Variants in ANP32A observed in about 807,000 individuals in gnomAD.
ANP32A encodes acidic nuclear phosphoprotein 32 family member A.
In ANP32A, 1 loss-of-function variant was observed where a neutral mutation model predicts 33.9. The ratio of observed to expected loss-of-function variants is 0.03; its 90% confidence interval spans 0.01 to 0.14. The LOEUF is 0.14. ANP32A is among the 10% of genes least tolerant of loss of function. ANP32A has a pLI of 1.00. For missense variants in ANP32A, 155 were observed against 306.0 expected, an observed-to-expected ratio of 0.51 and a Z score of 3.68; for synonymous variants, 115 against 120.5, an observed-to-expected ratio of 0.95 and a Z score of 0.30.
At chr15:68,787,661 T>G (rs1893949329) in intron 2 of ANP32A, 109 bp downstream of exon 2, 1 of 1,593,912 alleles carries the variant, frequency 6.3e-7, no homozygotes, top group Non-Finnish European at 8.6e-7. Flanking sequence ...TCTGGCATGT[T>G]GGTGCAAGCA....
rs546380400 is a variant in ANP32A at position 68,800,874 on chromosome 15, A to G, written c.55-12955T>C. On this transcript the variant is annotated intron_variant, in intron 1 of 6. Transcript: ENST00000465139. Reference sequence around the variant, plus strand: ...GCAGAGACGTAAGGCCAAGTCAACAACTAGGAGGGCCTTCCAGACAGAAAG... The same window carrying G: ...GCAGAGACGTAAGGCCAAGTCAACAGCTAGGAGGGCCTTCCAGACAGAAAG... Among the ~76,000 whole-genome samples the G allele has an allele frequency of 2.0e-5, 3 of 152,260 alleles. No homozygotes were observed. The East Asian group carries it at 5.8e-4, about 29-fold the overall frequency.
At chr15:68,815,331 G>A (rs1370684385) in intron 1 of ANP32A, among the ~76,000 whole-genome samples, 6 of 152,150 alleles carry the variant, frequency 3.9e-5, no homozygotes, top group African/African-American at 7.2e-5. Context: ...ACTACATAGG[G>A]ACTTTTATAA....
intron 1 of ANP32A, among the ~76,000 whole-genome samples, chr15:68,795,218 TAGA>T (rs1190894598): frequency 6.6e-6 from 1 of 152,210 alleles, no homozygotes; most frequent in East Asian, 1.9e-4. Flanking sequence ...TCCACACCTC[TAGA>T]AGATCTTTTA....
chr15:68,805,612 C>A (rs1894208327), intron 1 of ANP32A, among the ~76,000 whole-genome samples: 1 of 152,126 alleles, frequency 6.6e-6, no homozygotes, highest in African/African-American at 2.4e-5. Context: ...ATGAATCATC[C>A]CATGAATTCA....
Position 68,786,824 on chromosome 15 carries a change from G to T in ANP32A, c.327+589C>A, listed in dbSNP as rs114863731. ...CAGAGGAGCCAGAAATGCTACCCAG[G>T]CCCCTGAGAGCCTGTTCACTATCGC... On this transcript the variant is annotated intron_variant, in intron 3 of 6. Coordinates refer to ENST00000465139, the MANE Select transcript of ANP32A (RefSeq NM_006305.4). Among the ~76,000 whole-genome samples, 87 of 152,234 alleles carry T rather than the reference G, an allele frequency of 5.7e-4. 1 individual carries two copies. Among genetic ancestry groups the T allele is most frequent in the African/African-American group, 2.0e-3 (81 of 41,532 alleles).
chr15:68,810,807 C>G (rs908160550), intron 1 of ANP32A, among the ~76,000 whole-genome samples: 2 of 152,018 alleles, frequency 1.3e-5, no homozygotes, highest in Non-Finnish European at 2.9e-5. Flanking sequence ...CGCCTGTAAT[C>G]CCAGCACTTT....
chr15:68,787,600 T>C, intron 2 of ANP32A, 65 bp from the exon 3 acceptor site: 1 of 1,609,760 alleles, frequency 6.2e-7, no homozygotes, highest in Non-Finnish European at 8.5e-7. Context: ...GGCTCAGAGC[T>C]GCCCGGCTTT....
At chr15:68,806,776 A>G (rs771060849) in intron 1 of ANP32A, among the ~76,000 whole-genome samples, 4 of 152,250 alleles carry the variant, frequency 2.6e-5, no homozygotes, top group Non-Finnish European at 5.9e-5. Flanking sequence ...TTCATGGGGA[A>G]AGGAAGACGT....
At chr15:68,814,494 A>AG (rs1894354556) in intron 1 of ANP32A, among the ~76,000 whole-genome samples, 3 of 151,498 alleles carry the variant, frequency 2.0e-5, no homozygotes, top group Admixed American at 6.6e-5. Flanking sequence ...GTAAGTCTAG[A>AG]GTAAGCCACC....
At chr15:68,781,495 A>T (rs1893866905) in intron 5 of ANP32A, 1 of 151,724 alleles carries the variant, frequency 6.6e-6, no homozygotes, top group Admixed American at 6.6e-5. Context: ...TGTTTTACTA[A>T]GACTTTATTT....
At chr15:68,817,985 A>G (rs1263671677) in intron 1 of ANP32A, among the ~76,000 whole-genome samples, 1 of 152,130 alleles carries the variant, frequency 6.6e-6, no homozygotes, top group Non-Finnish European at 1.5e-5. Context: ...CCTGCCCCCC[A>G]GTAACGCCTC....
chr15:68,819,086 T>C (rs986568972), intron 1 of ANP32A, among the ~76,000 whole-genome samples: 2 of 151,046 alleles, frequency 1.3e-5, no homozygotes, highest in Non-Finnish European at 3.0e-5. Flanking sequence ...CTCACTCAGG[T>C]TTGGGGGAGG....
intron 3 of ANP32A, among the ~76,000 whole-genome samples, chr15:68,785,995 A>G (rs78950736): frequency 6.6e-6 from 1 of 152,214 alleles, no homozygotes; most frequent in Non-Finnish European, 1.5e-5. Flanking sequence ...GTTGGCCCCA[A>G]TGCCATCGAT....
chr15:68,792,158 C>T (rs1379049900), intron 1 of ANP32A: 1 of 151,990 alleles, frequency 6.6e-6, no homozygotes, highest in Admixed American at 6.5e-5. Flanking sequence ...GCCCACTTCC[C>T]CTGCCAAGTC....
At chr15:68,804,660 C>T (rs768952312) in intron 1 of ANP32A, among the ~76,000 whole-genome samples, 55 of 152,194 alleles carry the variant, frequency 3.6e-4, no homozygotes, top group Non-Finnish European at 6.5e-4. Context: ...GGATTACAGG[C>T]GCCCACCACC....
intron 1 of ANP32A, among the ~76,000 whole-genome samples, chr15:68,798,220 C>T (rs773228645): frequency 1.3e-5 from 2 of 152,096 alleles, no homozygotes; most frequent in South Asian, 2.1e-4. Context: ...GGATGGACCC[C>T]GAGTGGAGGA....
At position 68,787,866 on chromosome 15, in the gene ANP32A, G is replaced by A. The variant is rs576930598; in HGVS notation, c.108C>T (p.Gly36=). ...CCAGTTCTTCAAATTCATCTGTGAG[G>A]CCTTCGAGTTTGCCTTCATTCGACC... ...NSRSNEGKLE[G]LTDEFEELEF... The change falls in exon 2 of 7, where the codon GGC becomes GGT. Residue 36 remains glycine, a synonymous_variant. Transcript: ENST00000465139. 5 of 1,614,176 alleles carry A rather than the reference G, an allele frequency of 3.1e-6. No homozygotes were observed. In the East Asian group the frequency reaches 8.9e-5, roughly 29 times the overall value.
chr15:68,792,449 CTGGGGGTCCT>C (rs1894009933), intron 1 of ANP32A, among the ~76,000 whole-genome samples: 1 of 152,172 alleles, frequency 6.6e-6, no homozygotes, highest in African/African-American at 2.4e-5. Context: ...TGTCAGATTG[CTGGGGGTCCT>C]GTACTTCCTG....
chr15:68,812,399 G>A (rs565435558), intron 1 of ANP32A, among the ~76,000 whole-genome samples: 6 of 152,180 alleles, frequency 3.9e-5, no homozygotes, highest in Non-Finnish European at 8.8e-5. Context: ...CTGATGGGGG[G>A]CCACTGGCAC....
Sources: allele counts gnomAD v4.1 joint callset (sites outside exome capture counted in the v4.1 genomes callset), GRCh38; gene constraint gnomAD v4.1.1; transcripts MANE v1.5; gene names NCBI Gene and HGNC (gene_info 2026-07-23, HGNC 2026-07-21).